Variants in DCHS2 observed in about 807,000 individuals in gnomAD.
DCHS2 encodes the protein dachsous cadherin-related 2.
A neutral mutation model predicts 182.4 loss-of-function variants in DCHS2; 142 were observed. The ratio of observed to expected loss-of-function variants is 0.78; its 90% CI spans 0.68 to 0.89. The LOEUF is 0.89. Among genes scored for constraint, DCHS2 ranks in the 40% least tolerant of loss-of-function variants. The pLI, the probability that DCHS2 is intolerant of heterozygous loss-of-function variation, is 0.00. For missense variants in DCHS2, 4,319 were observed against 4,198.6 expected (o/e 1.03, Z -0.79); for synonymous variants, 1,740 against 1,663.3 (o/e 1.05, Z -1.12).
rs1452366269 is a variant in DCHS2 at position 154,349,091 on chromosome 4, A to AG, written c.2477-13988_2477-13987insC. Among the ~76,000 whole-genome samples, 4 of 152,056 alleles carry AG rather than the reference A, an allele frequency of 2.6e-5. 1 individual carries two copies. Among genetic ancestry groups the AG allele is most frequent in the African/African-American group, 9.7e-5 (4 of 41,278 alleles). On this transcript the variant is annotated intron_variant, in intron 3 of 19. Coordinates refer to ENST00000357232, the MANE Select transcript of DCHS2 (RefSeq NM_001358235.2). ...AATATTGCCAAAAGACAAAATGACA[A>AG]CAAATTTAGTTTAAAGATCTTAATT...
chr4:154,284,894 G>T (rs1280390327), intron 13 of DCHS2, among the ~76,000 whole-genome samples: 1 of 152,068 alleles, frequency 6.6e-6, no homozygotes, highest in Non-Finnish European at 1.5e-5. Context: ...ACACCAACTG[G>T]GGTGGCCAAG....
chr4:154,357,227 C>A, intron 3 of DCHS2: 2 of 1,606,292 alleles, frequency 1.2e-6, no homozygotes, highest in East Asian at 2.2e-5. Context: ...ACTTGAAGTG[C>A]CTTAGCAGAG....
At chr4:154,448,114 T>C (rs184598773) in intron 1 of DCHS2, among the ~76,000 whole-genome samples, 31 of 152,148 alleles carry the variant, frequency 2.0e-4, no homozygotes, top group African/African-American at 7.5e-4. Context: ...TTTCCCTCCC[T>C]GCTTCCGCAT....
chr4:154,350,200 T>C (rs576289942), intron 3 of DCHS2, among the ~76,000 whole-genome samples: 1 of 152,362 alleles, frequency 6.6e-6, no homozygotes, highest in South Asian at 2.1e-4. Context: ...GACTGTTCAA[T>C]AACTTTCTGA....
chr4:154,346,467 T>A (rs1201187280), intron 3 of DCHS2, among the ~76,000 whole-genome samples: 2 of 152,160 alleles, frequency 1.3e-5, no homozygotes, highest in African/African-American at 2.4e-5. Flanking sequence ...CTTTGTCCCA[T>A]GCAATGTAGT....
At chr4:154,304,963 A>C in intron 11 of DCHS2, 85 bp from the exon 12 acceptor site, 1 of 1,515,130 alleles carries the variant, frequency 6.6e-7, no homozygotes, top group Middle Eastern at 1.8e-4. Context: ...ATGTCAGGCT[A>C]ACCAGGTAGC....
intron 1 of DCHS2, among the ~76,000 whole-genome samples, chr4:154,440,004 A>C (rs1420127389): frequency 6.6e-6 from 1 of 152,160 alleles, no homozygotes; most frequent in Non-Finnish European, 1.5e-5. Flanking sequence ...CAATTTTGCA[A>C]ACTCCTTGGT....
chr4:154,285,328 C>T (rs1734344171), intron 13 of DCHS2, among the ~76,000 whole-genome samples: 2 of 151,812 alleles, frequency 1.3e-5, no homozygotes, highest in South Asian at 2.1e-4. Flanking sequence ...GGGGAGAGAC[C>T]CTTTCTGCTA....
chr4:154,308,266 C>A (rs1170611438), intron 10 of DCHS2, among the ~76,000 whole-genome samples: 30 of 147,092 alleles, frequency 2.0e-4, no homozygotes, highest in African/African-American at 4.2e-4. Context: ...AAAAAAAAAA[C>A]AAAAAACAAA....
In DCHS2 at chr4:154,235,097, C is replaced by A; in HGVS notation, c.9555G>T (p.Gln3185His). 1 of 1,613,976 alleles carries A rather than the reference C, an allele frequency of 6.2e-7. No individual in the cohort carries two copies. Among genetic ancestry groups the A allele is most frequent in the South Asian group, 1.1e-5 (1 of 91,078 alleles). Reference sequence around the variant, plus strand: ...CTTTTGCCTCTCTCTTCTGAACTGTCTGGGGTAACACATTATTTTGAGCAC... The same window carrying A: ...CTTTTGCCTCTCTCTTCTGAACTGTATGGGGTAACACATTATTTTGAGCAC... ...TTCAQNNVLP[Q>H]TVQKREAKES... is the part of the protein sequence containing the mutation. Residue 3185 changes from glutamine to histidine, a missense_variant, in exon 20 of 20, where the codon CAG becomes CAT. Physicochemically the swap from Gln to His is conservative, Grantham distance 24. Transcript: ENST00000357232.
chr4:154,465,826 A>T (rs922457406), intron 1 of DCHS2, among the ~76,000 whole-genome samples: 3 of 152,154 alleles, frequency 2.0e-5, no homozygotes, highest in Non-Finnish European at 2.9e-5. Flanking sequence ...CTGGGCCTCA[A>T]AGTATTTTTG....
intron 2 of DCHS2, among the ~76,000 whole-genome samples, chr4:154,374,710 G>A (rs1056128122): frequency 6.6e-6 from 1 of 152,068 alleles, no homozygotes; most frequent in Non-Finnish European, 1.5e-5. Flanking sequence ...TTAAATAGGT[G>A]GATTCTCTCA....
intron 13 of DCHS2, among the ~76,000 whole-genome samples, chr4:154,295,706 A>G (rs1185905798): frequency 6.6e-6 from 1 of 152,246 alleles, no homozygotes; most frequent in Non-Finnish European, 1.5e-5. Context: ...AATGACTAGT[A>G]TCCTCTTAAA....
In DCHS2 at chr4:154,333,336, G is replaced by A. The variant is rs1267413926; in HGVS notation, c.2872C>T (p.Pro958Ser). ...LTVQAQLGSA[P>S]ACSSTEVNIT... ...TTGACCTCGGTGCTGCTGCAGGCTG[G>A]GGCGCTGCCGAGCTGCGCCTGCACC... The change falls in exon 5 of 20, where the codon CCA (proline) becomes TCA (serine). Residue 958 changes from proline (P) to serine (S), a missense_variant. Transcript: ENST00000357232. The A allele has an allele frequency of 1.2e-6, 2 of 1,613,954 alleles. No homozygotes were observed. The highest frequency in any genetic ancestry group is 1.3e-5 in the African/African-American group (1 of 74,872).
chr4:154,286,247 C>G (rs1734393827), intron 13 of DCHS2, among the ~76,000 whole-genome samples: 1 of 151,722 alleles, frequency 6.6e-6, no homozygotes, highest in Non-Finnish European at 1.5e-5. Flanking sequence ...ATGCAAACAA[C>G]CTAGATGGCA....
intron 9 of DCHS2, among the ~76,000 whole-genome samples, chr4:154,317,409 G>A (rs1333298915): frequency 6.6e-6 from 1 of 152,172 alleles, no homozygotes; most frequent in Non-Finnish European, 1.5e-5. Flanking sequence ...TGTCAGTTGG[G>A]CATTTAGGTG....
intron 1 of DCHS2, among the ~76,000 whole-genome samples, chr4:154,482,710 G>A (rs573697484): frequency 6.6e-6 from 1 of 152,300 alleles, no homozygotes; most frequent in East Asian, 1.9e-4. Context: ...AGAGAAGATG[G>A]AATAGGGGAT....
At position 154,420,535 on chromosome 4, in the gene DCHS2, C is replaced by A. The variant is rs558853596; in HGVS notation, c.2053-43091G>T. ...TGAGATTTGGGGCAGGACACTAGTA[C>A]AAGTCCCAGAGTCTAAAGACTGGAA... On this transcript the variant is annotated intron_variant, in intron 1 of 19. Coordinates refer to ENST00000357232, the MANE Select transcript of DCHS2 (RefSeq NM_001358235.2). Among the ~76,000 whole-genome samples, 600 of 152,258 alleles carry A rather than the reference C, an allele frequency of 3.9e-3. 2 individuals are homozygous for A. The highest frequency in any genetic ancestry group is 0.014 in the African/African-American group (563 of 41,564).
chr4:154,388,494 A>ATTTT (rs35945131), intron 1 of DCHS2, among the ~76,000 whole-genome samples: 4,516 of 130,628 alleles, frequency 0.035, 166 homozygotes, highest in Middle Eastern at 0.054. Flanking sequence ...AATAGATGTA[A>ATTTT]TTTTTTTTTT....
Sources: gnomAD v4.1 joint callset for allele counts (sites outside exome capture counted in the v4.1 genomes callset) on GRCh38, gnomAD v4.1.1 for gene constraint, MANE v1.5 for transcripts, NCBI Gene and HGNC (gene_info 2026-07-23, HGNC 2026-07-21) for gene names.